CFAP47: variants seen among roughly 807,000 people sequenced by gnomAD.
The protein encoded by CFAP47 is cilia and flagella associated protein 47, also known as cilia- and flagella-associated protein 47.
In CFAP47, 29 loss-of-function variants were observed where a neutral mutation model predicts 148.1. That is an observed-to-expected ratio of 0.20 (90% CI 0.15 to 0.27). The LOEUF is 0.27. Ranked by LOEUF, CFAP47 falls within the 10% of genes least tolerant of loss-of-function variation. The pLI, the probability that CFAP47 is intolerant of heterozygous loss-of-function variation, is 1.00. For missense variants in CFAP47, 1,872 were observed against 1,697.5 expected (o/e 1.10, Z -1.81); for synonymous variants, 664 against 577.3 (o/e 1.15, Z -2.15).
intron 60 of CFAP47, 111 bp from the exon 61 acceptor site, chrX:36,361,219 C>G: frequency 2.5e-6 from 1 of 392,333 alleles, no homozygotes; most frequent in Non-Finnish European, 4.5e-6. Flanking sequence ...ATAATATATA[C>G]CCCCTCCCTT....
chrX:36,355,033 A>C (rs73460178), intron 60 of CFAP47, among the ~76,000 whole-genome samples: 1,477 of 111,230 alleles, frequency 0.013, 29 homozygotes, highest in African/African-American at 0.045. Flanking sequence ...TTAAAAAAAA[A>C]CTAATAATCT....
At chrX:36,056,045 C>G (rs1221805704) in intron 26 of CFAP47, among the ~76,000 whole-genome samples, 1 of 110,459 alleles carries the variant, frequency 9.1e-6, no homozygotes, top group Admixed American at 9.7e-5. Flanking sequence ...TCCTTGTACA[C>G]TCTGGATATT....
chrX:36,013,773 C>A (rs1937066858), intron 21 of CFAP47, among the ~76,000 whole-genome samples: 1 of 112,037 alleles, frequency 8.9e-6, no homozygotes, highest in African/African-American at 3.2e-5. Context: ...TTCAGTCTGA[C>A]TTCTCTCACT....
intron 18 of CFAP47, among the ~76,000 whole-genome samples, chrX:35,993,868 A>G (rs1458403481): frequency 1.8e-5 from 2 of 111,896 alleles, no homozygotes; most frequent in African/African-American, 6.5e-5. Context: ...AGTCTTAATA[A>G]TATGAATTAT....
intron 41 of CFAP47, among the ~76,000 whole-genome samples, chrX:36,189,619 AG>A (rs1939844281): frequency 8.9e-6 from 1 of 111,986 alleles, no homozygotes; most frequent in East Asian, 2.8e-4. Flanking sequence ...TAAAACTGCT[AG>A]ATAGATAAAT....
At chrX:36,211,694 G>T in intron 45 of CFAP47, 1 of 196,978 alleles carries the variant, frequency 5.1e-6, no homozygotes, top group Admixed American at 5.4e-5. Context: ...TGAAGAAGAT[G>T]AAGATCAAGG....
chrX:36,130,473 G>A (rs1938926809), intron 33 of CFAP47, among the ~76,000 whole-genome samples: 4 of 110,964 alleles, frequency 3.6e-5, no homozygotes, highest in Admixed American at 2.9e-4. Flanking sequence ...TACACTGTTG[G>A]GGGGAATGTA....
chrX:36,199,036 A>G (rs1939948284), intron 42 of CFAP47, among the ~76,000 whole-genome samples: 1 of 112,199 alleles, frequency 8.9e-6, no homozygotes, highest in Non-Finnish European at 1.9e-5. Flanking sequence ...TGCTATAAAA[A>G]TATGGTAAAG....
intron 39 of CFAP47, among the ~76,000 whole-genome samples, chrX:36,178,326 T>C (rs1427443163): frequency 9.0e-6 from 1 of 110,555 alleles, no homozygotes; most frequent in African/African-American, 3.3e-5. Context: ...ACTCTCTGCA[T>C]CTAAAATAAA....
chrX:36,180,718 G>T (rs1858736882), intron 40 of CFAP47, among the ~76,000 whole-genome samples: 1 of 112,155 alleles, frequency 8.9e-6, no homozygotes, highest in African/African-American at 3.2e-5. Context: ...TGTGAGAAAA[G>T]TTATTAAAGA....
intron 26 of CFAP47, among the ~76,000 whole-genome samples, chrX:36,062,173 C>A (rs1937599383): frequency 9.0e-6 from 1 of 111,246 alleles, no homozygotes; most frequent in South Asian, 3.8e-4. Flanking sequence ...AATGTAAGAT[C>A]TGCCTTGAAA....
At chrX:36,055,308 C>A (rs182628167) in intron 26 of CFAP47, among the ~76,000 whole-genome samples, 12 of 110,800 alleles carry the variant, frequency 1.1e-4, no homozygotes, top group Non-Finnish European at 2.1e-4. Flanking sequence ...ATTCCTGAAG[C>A]TTTCTCTCCC....
intron 13 of CFAP47, among the ~76,000 whole-genome samples, chrX:35,974,449 AGGATGATTGATTG>A (rs1268402417): frequency 1.8e-5 from 2 of 111,364 alleles, no homozygotes; most frequent in Non-Finnish European, 3.8e-5. Context: ...ATGTGGACAA[AGGATGATTGATTG>A]GGCTGATTCT....
rs139817369 is a variant in CFAP47 at position 36,348,621 on chromosome X, C to A, written c.8603+333C>A. 2.2e-4 allele frequency among the ~76,000 whole-genome samples: 24 copies of A among 110,801 alleles called. No individual in the cohort carries two copies. The East Asian group carries it at 6.8e-3, about 32-fold the overall frequency. On this transcript the variant is annotated intron_variant, in intron 58 of 63. Coordinates refer to ENST00000378653, the MANE Select transcript of CFAP47 (RefSeq NM_001304548.2). ...TTTCTGACATGGAAAATAGTGACTGCTAACATAATAAATAATCAGTATACA... is the reference window on the plus strand; with the variant it reads ...TTTCTGACATGGAAAATAGTGACTGATAACATAATAAATAATCAGTATACA...
At chrX:36,062,083 T>G (rs2146749955) in intron 26 of CFAP47, among the ~76,000 whole-genome samples, 1 of 111,725 alleles carries the variant, frequency 9.0e-6, no homozygotes, top group East Asian at 2.8e-4. Context: ...TAGAGAGACA[T>G]GTTTCTATAA....
chrX:36,305,555 A>G (rs1362221154), intron 54 of CFAP47, among the ~76,000 whole-genome samples: 1 of 111,518 alleles, frequency 9.0e-6, no homozygotes, highest in Non-Finnish European at 1.9e-5. Context: ...TATGCAATTA[A>G]CTCTAATATT....
At chrX:36,229,692 G>C (rs939027641) in intron 46 of CFAP47, among the ~76,000 whole-genome samples, 1 of 108,870 alleles carries the variant, frequency 9.2e-6, no homozygotes, top group African/African-American at 3.3e-5. Flanking sequence ...CATGTGCCAT[G>C]CTGGTGTGCT....
intron 40 of CFAP47, among the ~76,000 whole-genome samples, chrX:36,183,756 T>G (rs976423865): frequency 5.4e-5 from 6 of 111,771 alleles, no homozygotes; most frequent in Admixed American, 1.9e-4. Context: ...TGAGCATAAT[T>G]AGAGCATTTA....
At chrX:36,039,988 T>C (rs1234040918) in intron 25 of CFAP47, among the ~76,000 whole-genome samples, 2 of 111,763 alleles carry the variant, frequency 1.8e-5, no homozygotes, top group Non-Finnish European at 3.8e-5. Context: ...ATGTTGTTTA[T>C]TGTAGAATGT....
Sources: allele counts gnomAD v4.1 joint callset (sites outside exome capture counted in the v4.1 genomes callset), GRCh38; gene constraint gnomAD v4.1.1; transcripts MANE v1.5; gene names NCBI Gene and HGNC (gene_info 2026-07-23, HGNC 2026-07-21).